STXBP6: variants seen among roughly 807,000 people sequenced by gnomAD.
The protein encoded by STXBP6 is syntaxin binding protein 6, also known as syntaxin-binding protein 6.
Under a neutral mutation model 26.9 loss-of-function variants are expected in STXBP6, and 21 were observed. That is an observed-to-expected ratio of 0.78 (90% CI 0.55 to 1.12). The LOEUF is 1.12. STXBP6 is among the 50% of genes most tolerant of loss of function. The pLI, the probability that STXBP6 is intolerant of heterozygous loss-of-function variation, is 0.00. For missense variants in STXBP6, 232 were observed against 257.9 expected (o/e 0.90, Z 0.69); for synonymous variants, 97 against 92.6 (o/e 1.05, Z -0.27).
chr14:24,890,676 T>C (rs16757), intron 2 of STXBP6, among the ~76,000 whole-genome samples: 43,772 of 152,096 alleles, frequency 0.29, 7,137 homozygotes, highest in Admixed American at 0.44. Context: ...TAGCGTCCTT[T>C]TGGACTTCTA....
intron 2 of STXBP6, among the ~76,000 whole-genome samples, chr14:24,952,394 C>T (rs1038180018): frequency 2.6e-4 from 40 of 151,974 alleles, no homozygotes; most frequent in African/African-American, 9.6e-4. Flanking sequence ...AAATATTCAC[C>T]TATCAATAGC....
At chr14:25,037,671 C>T (rs1322299044) in intron 1 of STXBP6, among the ~76,000 whole-genome samples, 2 of 152,204 alleles carry the variant, frequency 1.3e-5, no homozygotes, top group Non-Finnish European at 2.9e-5. Flanking sequence ...AATCACTGTA[C>T]ATGCTCAAAG....
At chr14:25,036,165 C>G (rs564154367) in intron 1 of STXBP6, among the ~76,000 whole-genome samples, 1 of 142,620 alleles carries the variant, frequency 7.0e-6, no homozygotes, top group African/African-American at 2.6e-5. Flanking sequence ...TACAGTGAGC[C>G]GAGATTGTGC....
intron 2 of STXBP6, among the ~76,000 whole-genome samples, chr14:24,880,600 T>C (rs1168280973): frequency 6.6e-6 from 1 of 152,204 alleles, no homozygotes; most frequent in Non-Finnish European, 1.5e-5. Flanking sequence ...GCTGAGTATT[T>C]GGGCTCTGTA....
At chr14:24,927,028 G>A (rs1001313245) in intron 2 of STXBP6, among the ~76,000 whole-genome samples, 3 of 152,094 alleles carry the variant, frequency 2.0e-5, no homozygotes, top group African/African-American at 7.2e-5. Flanking sequence ...TTTAGTGGAC[G>A]CAAACAAGTA....
intron 2 of STXBP6, among the ~76,000 whole-genome samples, chr14:24,944,659 G>A (rs1566498006): frequency 6.6e-6 from 1 of 152,114 alleles, no homozygotes; most frequent in Non-Finnish European, 1.5e-5. Flanking sequence ...CAAGGTCTTC[G>A]ATCCGGGGCT....
intron 2 of STXBP6, among the ~76,000 whole-genome samples, chr14:24,938,455 C>A (rs184139356): frequency 2.0e-5 from 3 of 152,202 alleles, no homozygotes; most frequent in Non-Finnish European, 4.4e-5. Context: ...CTCCAAGGCC[C>A]TTGTTTGCTG....
chr14:24,962,705 T>C (rs2073589647), intron 2 of STXBP6, among the ~76,000 whole-genome samples: 1 of 152,192 alleles, frequency 6.6e-6, no homozygotes, highest in Admixed American at 6.5e-5. Flanking sequence ...AGTTAATTTT[T>C]AGCTCACGGC....
At chr14:24,867,983 G>A (rs1433428618) in intron 2 of STXBP6, among the ~76,000 whole-genome samples, 1 of 152,156 alleles carries the variant, frequency 6.6e-6, no homozygotes, top group Admixed American at 6.5e-5. Context: ...GATTGCTTGA[G>A]CTCAGGAGCT....
At chr14:25,044,313 C>A (rs995356697) in intron 1 of STXBP6, among the ~76,000 whole-genome samples, 16 of 151,970 alleles carry the variant, frequency 1.1e-4, no homozygotes, top group African/African-American at 3.9e-4. Flanking sequence ...TGAGGAACTG[C>A]CAAACTGTTT....
At chr14:24,818,548 G>A (rs893853329) in intron 5 of STXBP6, among the ~76,000 whole-genome samples, 1 of 152,172 alleles carries the variant, frequency 6.6e-6, no homozygotes, top group African/African-American at 2.4e-5. Context: ...GCCCCGAGGT[G>A]CGTAGTTCCC....
intron 4 of STXBP6, among the ~76,000 whole-genome samples, chr14:24,831,602 G>GT (rs1289045692): frequency 6.6e-6 from 1 of 152,150 alleles, no homozygotes; most frequent in African/African-American, 2.4e-5. Context: ...ACCTCTAGGA[G>GT]TAAGGAATGA....
intron 2 of STXBP6, among the ~76,000 whole-genome samples, chr14:24,936,390 T>C (rs146084737): frequency 6.8e-4 from 103 of 152,318 alleles, no homozygotes; most frequent in African/African-American, 2.3e-3. Flanking sequence ...CACCTTCAGA[T>C]AGAAGAGGTC....
rs555699935 is a variant in STXBP6 at position 24,985,084 on chromosome 14, G to A, written c.-32-10234C>T. 2.6e-5 allele frequency among the ~76,000 whole-genome samples: 4 copies of A among 152,186 alleles called. No homozygotes were observed. The South Asian group carries it at 6.2e-4, about 24-fold the overall frequency. On this transcript the variant is annotated intron_variant, in intron 1 of 5. Transcript: ENST00000323944. The stretch of plus-strand genomic sequence containing the variant: ...CCAGCAGCTACAAAGATAACAAATC[G>A]AGCTGTAGTTTGAAGTCATTCTTTC...
At chr14:25,023,090 C>T (rs2075288351) in intron 1 of STXBP6, among the ~76,000 whole-genome samples, 2 of 152,168 alleles carry the variant, frequency 1.3e-5, no homozygotes, top group African/African-American at 4.8e-5. Context: ...AAACTCTTAG[C>T]AGAATTCCAA....
At chr14:24,864,998 G>C (rs145667343) in intron 2 of STXBP6, among the ~76,000 whole-genome samples, 413 of 152,246 alleles carry the variant, frequency 2.7e-3, no homozygotes, top group African/African-American at 9.6e-3. Flanking sequence ...TTAAAACCAA[G>C]ATCAACTACA....
intron 4 of STXBP6, among the ~76,000 whole-genome samples, chr14:24,820,414 T>C (rs2068102583): frequency 1.3e-5 from 2 of 152,298 alleles, no homozygotes; most frequent in Admixed American, 6.5e-5. Context: ...TCTTCTTTAA[T>C]GGTGGATTTC....
At chr14:24,912,914 A>G (rs1049945016) in intron 2 of STXBP6, among the ~76,000 whole-genome samples, 3 of 152,190 alleles carry the variant, frequency 2.0e-5, no homozygotes, top group African/African-American at 7.2e-5. Context: ...GAAAATTTAA[A>G]AACAGGAACT....
At chr14:24,938,143 A>C (rs767951496) in intron 2 of STXBP6, among the ~76,000 whole-genome samples, 2 of 152,216 alleles carry the variant, frequency 1.3e-5, no homozygotes, top group Admixed American at 6.5e-5. Context: ...TGGCTGTCTG[A>C]ACTGAAAAAC....
Sources: gnomAD v4.1 joint callset for allele counts (sites outside exome capture counted in the v4.1 genomes callset) on GRCh38, gnomAD v4.1.1 for gene constraint, MANE v1.5 for transcripts, NCBI Gene and HGNC (gene_info 2026-07-23, HGNC 2026-07-21) for gene names.